AUTS2: variants seen among roughly 807,000 people sequenced by gnomAD.
AUTS2 encodes autism susceptibility gene 2 protein.
In AUTS2, 17 loss-of-function variants were observed where a neutral mutation model predicts 112.4. The observed-to-expected ratio is 0.15, with a 90% CI of 0.10 to 0.23. The LOEUF is 0.23. AUTS2 is among the 10% of genes least tolerant of loss of function. The pLI, the probability that AUTS2 is intolerant of heterozygous loss-of-function variation, is 1.00. For synonymous variants in AUTS2, 751 were observed against 702.7 expected (o/e 1.07, Z -1.09); for missense variants, 1,510 against 1,701.6 (o/e 0.89, Z 1.98).
Position 70,223,474 on chromosome 7 carries a change from G to T in AUTS2, c.660+88903G>T, listed in dbSNP as rs1811592405. 2.6e-5 allele frequency among the ~76,000 whole-genome samples: 4 copies of T among 152,098 alleles called. No individual in the cohort carries two copies. In the South Asian group the frequency reaches 8.3e-4, roughly 32 times the overall value. On this transcript the variant is annotated intron_variant, in intron 4 of 18. Coordinates refer to ENST00000342771, the MANE Select transcript of AUTS2 (RefSeq NM_015570.4). ...AGTGCAACAAATTACTCTCACTTCT[G>T]TGCTGATGCTGGTGTAAACAAACCT...
At chr7:70,752,687 G>C (rs1048671133) in intron 6 of AUTS2, among the ~76,000 whole-genome samples, 1 of 152,164 alleles carries the variant, frequency 6.6e-6, no homozygotes, top group Admixed American at 6.6e-5. Context: ...TCCCCCGTAT[G>C]AAGTGACAAT....
intron 2 of AUTS2, among the ~76,000 whole-genome samples, chr7:70,072,192 C>T (rs1802805383): frequency 6.6e-6 from 1 of 152,140 alleles, no homozygotes; most frequent in Admixed American, 6.5e-5. Context: ...GTGATCCCTG[C>T]CAGCCCCTCC....
chr7:70,400,060 A>C (rs1349329349), intron 4 of AUTS2, among the ~76,000 whole-genome samples: 2 of 152,236 alleles, frequency 1.3e-5, no homozygotes, highest in African/African-American at 2.4e-5. Flanking sequence ...TACGAGGAAC[A>C]CAAACTAGTC....
intron 4 of AUTS2, among the ~76,000 whole-genome samples, chr7:70,135,387 G>T (rs943947695): frequency 1.1e-4 from 16 of 152,034 alleles, no homozygotes; most frequent in African/African-American, 3.6e-4. Flanking sequence ...GAATCTGATT[G>T]GTGTTCTGAG....
chr7:69,818,488 G>T (rs1182686669), intron 1 of AUTS2, among the ~76,000 whole-genome samples: 2 of 152,206 alleles, frequency 1.3e-5, no homozygotes, highest in Non-Finnish European at 2.9e-5. Flanking sequence ...GACTGTGGCA[G>T]TTCGGGTTTA....
chr7:70,274,735 C>T (rs1349408234), intron 4 of AUTS2, among the ~76,000 whole-genome samples: 1 of 152,160 alleles, frequency 6.6e-6, no homozygotes, highest in East Asian at 1.9e-4. Flanking sequence ...GATCTCTGAT[C>T]TAATCCATCC....
At chr7:70,621,819 G>A (rs187621731) in intron 5 of AUTS2, among the ~76,000 whole-genome samples, 13 of 135,298 alleles carry the variant, frequency 9.6e-5, no homozygotes, top group Non-Finnish European at 1.5e-4. Flanking sequence ...GCAGGCTTAC[G>A]TTAGTGCATA....
chr7:70,791,218 CCTA>C lies in AUTS2; in HGVS notation c.*225_*227del, dbSNP rs1156686952. ...AGCCCAGTCATATGTTCTCACGTCT[CCTA>C]CTTTTTGTTTCTCGTATAAAACTTT... On this transcript the variant is annotated 3_prime_UTR_variant, in exon 19 of 19. Transcript: ENST00000342771. 3.0e-5 allele frequency: 13 copies of C among 427,212 alleles called. No individual in the cohort carries two copies. Among genetic ancestry groups the C allele is most frequent in the African/African-American group, 6.1e-5 (3 of 48,964 alleles). 26.5% of individuals were successfully genotyped at this position (427,212 alleles called of 1,614,324 possible). A position where few individuals can be genotyped will look rare whatever the true frequency, so the allele number is the denominator to read the frequency against.
At chr7:69,612,927 A>G (rs1793124969) in intron 1 of AUTS2, among the ~76,000 whole-genome samples, 1 of 152,218 alleles carries the variant, frequency 6.6e-6, no homozygotes, top group African/African-American at 2.4e-5. Flanking sequence ...ACAGTTGACA[A>G]CAATTCCATG....
chr7:69,895,201 T>C (rs1199725803), intron 1 of AUTS2, among the ~76,000 whole-genome samples: 1 of 152,144 alleles, frequency 6.6e-6, no homozygotes, highest in African/African-American at 2.4e-5. Flanking sequence ...ATGATCAGTC[T>C]TTGTCTTTGA....
At chr7:69,989,517 G>A (rs1446798525) in intron 2 of AUTS2, among the ~76,000 whole-genome samples, 2 of 142,298 alleles carry the variant, frequency 1.4e-5, no homozygotes, top group Non-Finnish European at 3.0e-5. Flanking sequence ...TTTGGTGTGT[G>A]GGATGAGAGG....
intron 4 of AUTS2, among the ~76,000 whole-genome samples, chr7:70,155,348 A>AAG (rs932875698): frequency 6.6e-6 from 1 of 152,138 alleles, no homozygotes; most frequent in Non-Finnish European, 1.5e-5. Context: ...AAGAGGTAGA[A>AAG]AGAGAAAATC....
intron 1 of AUTS2, among the ~76,000 whole-genome samples, chr7:69,707,211 C>T (rs558446284): frequency 6.6e-6 from 1 of 152,196 alleles, no homozygotes; most frequent in Non-Finnish European, 1.5e-5. Context: ...ATTATCAGAC[C>T]TCATCTGCAT....
intron 1 of AUTS2, among the ~76,000 whole-genome samples, chr7:69,864,817 A>G (rs1793145949): frequency 6.6e-6 from 1 of 152,206 alleles, no homozygotes; most frequent in African/African-American, 2.4e-5. Context: ...ATCCAAATAG[A>G]TGGGAGTTGA....
chr7:70,350,796 TA>T (rs1791715869), intron 4 of AUTS2, among the ~76,000 whole-genome samples: 3 of 152,158 alleles, frequency 2.0e-5, no homozygotes, highest in Non-Finnish European at 4.4e-5. Context: ...TATTATTAAC[TA>T]GAGTCCTCCT....
intron 4 of AUTS2, among the ~76,000 whole-genome samples, chr7:70,321,774 A>G (rs1790265659): frequency 6.6e-6 from 1 of 152,204 alleles, no homozygotes; most frequent in Non-Finnish European, 1.5e-5. Context: ...ACATACAGTC[A>G]TGTCACAAAA....
chr7:69,843,352 T>TG (rs1395031113), intron 1 of AUTS2, among the ~76,000 whole-genome samples: 1 of 151,834 alleles, frequency 6.6e-6, no homozygotes, highest in Non-Finnish European at 1.5e-5. Flanking sequence ...TAGTGAGAAT[T>TG]GGGGAGGGGT....
At chr7:70,093,199 T>TTTTCTTGCTGTGCAGA (rs1458503362) in intron 2 of AUTS2, among the ~76,000 whole-genome samples, 5 of 152,168 alleles carry the variant, frequency 3.3e-5, no homozygotes, top group African/African-American at 1.2e-4. Context: ...CTTATGGCTG[T>TTTTCTTGCTGTGCAGA]AACCAATCTC....
At chr7:70,143,911 A>G (rs965877359) in intron 4 of AUTS2, among the ~76,000 whole-genome samples, 11 of 152,202 alleles carry the variant, frequency 7.2e-5, no homozygotes, top group African/African-American at 2.7e-4. Flanking sequence ...TGTGGTTCCT[A>G]GAATACTCCT....
Sources: allele counts gnomAD v4.1 joint callset (sites outside exome capture counted in the v4.1 genomes callset), GRCh38; gene constraint gnomAD v4.1.1; transcripts MANE v1.5; gene names NCBI Gene and HGNC (gene_info 2026-07-23, HGNC 2026-07-21).